Variants in MYLK observed in about 807,000 individuals in gnomAD.
MYLK encodes the protein myosin light chain kinase, also known as myosin light chain kinase, smooth muscle.
In MYLK, 106 loss-of-function variants were observed where a neutral mutation model predicts 203.4. The ratio of observed to expected loss-of-function variants is 0.52; its 90% CI spans 0.45 to 0.61. MYLK has a LOEUF of 0.61. MYLK is among the 20% of genes least tolerant of loss of function. MYLK has a pLI of 0.00. For missense variants in MYLK, 2,072 were observed against 2,442.3 expected (o/e 0.85, Z 3.20); for synonymous variants, 867 against 959.5 (o/e 0.90, Z 1.78).
At chr3:123,737,239 A>T in intron 8 of MYLK, 139 bp downstream of exon 8, 1 of 895,700 alleles carries the variant, frequency 1.1e-6, no homozygotes, top group Non-Finnish European at 1.7e-6. Flanking sequence ...AAAAAAAAAG[A>T]CCTGCCCCTG....
chr3:123,760,711 T>G (rs910987755), intron 4 of MYLK, among the ~76,000 whole-genome samples: 8 of 152,182 alleles, frequency 5.3e-5, no homozygotes, highest in Non-Finnish European at 1.0e-4. Flanking sequence ...TACACAACTT[T>G]CATTCTTATA....
chr3:123,833,662 A>G (rs931753249), intron 2 of MYLK, among the ~76,000 whole-genome samples: 1 of 152,208 alleles, frequency 6.6e-6, no homozygotes, highest in African/African-American at 2.4e-5. Context: ...TCAAATAATT[A>G]GAAGCCACTC....
intron 3 of MYLK, among the ~76,000 whole-genome samples, chr3:123,808,711 T>A (rs1329005421): frequency 6.6e-6 from 1 of 152,198 alleles, no homozygotes; most frequent in Admixed American, 6.5e-5. Context: ...ACATATCGAT[T>A]GTCACTAATA....
Position 123,733,706 on chromosome 3 carries a change from A to C in MYLK, c.1290T>G (p.Thr430=). 1 of 1,614,166 alleles carries C rather than the reference A, an allele frequency of 6.2e-7. No homozygotes were observed. Among genetic ancestry groups the C allele is most frequent in the Non-Finnish European group, 8.5e-7 (1 of 1,180,026 alleles). The change falls in exon 10 of 34, where the codon ACT becomes ACG. Residue 430 remains threonine (T), a synonymous_variant. Transcript: ENST00000360304. ...PQSQEVKENQ[T]VKFRCEVSGI... ...ACTCACCTTCACATCTGAACTTGAC[A>C]GTTTGATTTTCCTTGACCTCCTGGC...
intron 2 of MYLK, among the ~76,000 whole-genome samples, chr3:123,852,337 C>G (rs7639429): frequency 1.3e-5 from 2 of 152,138 alleles, no homozygotes; most frequent in East Asian, 3.9e-4. Flanking sequence ...TGGTAGAATT[C>G]GGCTGTGAAT....
intron 4 of MYLK, among the ~76,000 whole-genome samples, chr3:123,785,525 C>T (rs144025755): frequency 6.6e-6 from 1 of 152,252 alleles, no homozygotes. Context: ...CAAAGATTCT[C>T]TCATCAACAG....
At chr3:123,795,154 A>G (rs2064939528) in intron 3 of MYLK, among the ~76,000 whole-genome samples, 1 of 152,248 alleles carries the variant, frequency 6.6e-6, no homozygotes, top group Admixed American at 6.5e-5. Context: ...AGAAAAACAC[A>G]TATCTTACAT....
rs758300915 is a variant in MYLK at position 123,752,399 on chromosome 3, C to T, written c.305G>A (p.Gly102Glu). 6.2e-7 allele frequency: 1 copy of T among 1,614,184 alleles called. No individual in the cohort carries two copies. Among genetic ancestry groups the T allele is most frequent in the South Asian group, 1.1e-5 (1 of 91,074 alleles). Residue 102 changes from glycine to glutamate, a missense_variant, in exon 5 of 34, where the codon GGA becomes GAA. Gly to Glu is a moderately conservative substitution (Grantham distance 98). This residue lies in a region of MYLK where 683 missense variants were observed against 643.8 expected (regional missense o/e 1.06). Transcript: ENST00000360304. ...VIHAVHEEDR[G>E]KYTCEATNGS... is the part of the protein sequence containing the mutation. ...ATTGGTGGCTTCACAGGTATACTTT[C>T]CCCTGTCCTCCTCATGGACAGCATG...
intron 3 of MYLK, among the ~76,000 whole-genome samples, chr3:123,825,439 G>A (rs922159420): frequency 3.9e-5 from 6 of 152,124 alleles, no homozygotes; most frequent in South Asian, 2.1e-4. Flanking sequence ...GATCCCCACC[G>A]GTCCCCACTG....
intron 13 of MYLK, 26 bp from the exon 14 acceptor site, chr3:123,709,919 G>A (rs779233475): frequency 1.4e-5 from 23 of 1,613,342 alleles, no homozygotes; most frequent in Middle Eastern, 1.7e-4. Context: ...CAGAACGTGG[G>A]GTGAACATTC....
intron 2 of MYLK, among the ~76,000 whole-genome samples, chr3:123,833,066 G>A (rs1309450278): frequency 6.6e-6 from 1 of 152,044 alleles, no homozygotes; most frequent in East Asian, 1.9e-4. Context: ...AGGATGAGGT[G>A]GAATTCCCAC....
At chr3:123,634,085 G>A (rs560891972) in intron 29 of MYLK, among the ~76,000 whole-genome samples, 3 of 152,296 alleles carry the variant, frequency 2.0e-5, no homozygotes, top group Non-Finnish European at 4.4e-5. Context: ...CTAGGAAGGG[G>A]TTAGTCTTTT....
At chr3:123,636,855 C>T (rs1296080973) in intron 29 of MYLK, among the ~76,000 whole-genome samples, 3 of 152,256 alleles carry the variant, frequency 2.0e-5, no homozygotes, top group Middle Eastern at 3.2e-3. Context: ...GTCTGGACTA[C>T]AATGCCTGTG....
At chr3:123,751,165 G>C (rs907882196) in intron 5 of MYLK, among the ~76,000 whole-genome samples, 16 of 152,326 alleles carry the variant, frequency 1.1e-4, no homozygotes, top group African/African-American at 3.1e-4. Flanking sequence ...AGAAAGACCG[G>C]GAAGGGTCAA....
chr3:123,710,982 T>C (rs559386064), intron 13 of MYLK, among the ~76,000 whole-genome samples: 1 of 152,188 alleles, frequency 6.6e-6, no homozygotes, highest in South Asian at 2.1e-4. Context: ...TCCCAGCTAC[T>C]TGGGAGGCTG....
intron 20 of MYLK, among the ~76,000 whole-genome samples, chr3:123,668,428 T>C (rs1382953368): frequency 1.3e-5 from 2 of 150,748 alleles, no homozygotes; most frequent in African/African-American, 4.9e-5. Context: ...ACATACTGTA[T>C]GATTCCATTT....
At chr3:123,617,860 A>G (rs1171165695) in intron 33 of MYLK, 2 of 152,148 alleles carry the variant, frequency 1.3e-5, no homozygotes, top group Non-Finnish European at 2.9e-5. Flanking sequence ...CTATGCCATG[A>G]CCCCTTAAGG....
chr3:123,725,897 A>C, intron 12 of MYLK, 47 bp downstream of exon 12: 1 of 1,599,918 alleles, frequency 6.3e-7, no homozygotes, highest in Non-Finnish European at 8.5e-7. Flanking sequence ...GGCAGCGCCA[A>C]AGGGCCCAGG....
chr3:123,742,895 T>A (rs1299207129), intron 5 of MYLK, among the ~76,000 whole-genome samples: 1 of 152,174 alleles, frequency 6.6e-6, no homozygotes, highest in African/African-American at 2.4e-5. Context: ...TAGGATTCCG[T>A]TCATATGAAA....
Sources: allele counts gnomAD v4.1 joint callset (sites outside exome capture counted in the v4.1 genomes callset), GRCh38; gene constraint gnomAD v4.1.1; regional missense constraint gnomAD v4.1.1; transcripts MANE v1.5; gene names NCBI Gene and HGNC (gene_info 2026-07-23, HGNC 2026-07-21).